Variants in ZNF516 observed in about 807,000 individuals in gnomAD.
The protein encoded by ZNF516 is zinc finger protein 516.
In ZNF516, 19 loss-of-function variants were observed where a neutral mutation model predicts 79.7. The observed-to-expected ratio is 0.24, with a 90% confidence interval of 0.17 to 0.35. The LOEUF (loss-of-function observed/expected upper bound fraction) is 0.35. ZNF516 is among the 10% of genes least tolerant of loss of function. The probability of loss-of-function intolerance (pLI) is 1.00; values close to 1 mark genes in which losing one functional copy is unlikely to be tolerated. For synonymous variants in ZNF516, 877 were observed against 739.5 expected, an observed-to-expected ratio of 1.19 and a Z score of -3.02; for missense variants, 1,678 against 1,679.5, an observed-to-expected ratio of 1.00 and a Z score of 0.02.
rs1426177849 is a variant in ZNF516, at chr18:76,441,483, G to A, written c.1572C>T (p.Phe524=). 9 of 1,601,482 alleles carry A rather than the reference G, an allele frequency of 5.6e-6. No individual in the cohort carries two copies. Among genetic ancestry groups the A allele is most frequent in the Admixed American group, 1.7e-5 (1 of 59,018 alleles). ...SSECFECGKI[F]RTYHQMVLHS... ...GCAGCACCATCTGATGATAGGTGCGGAAGATCTTGCCGCACTCGAAGCACT... is the reference window on the plus strand; with the variant it reads ...GCAGCACCATCTGATGATAGGTGCGAAAGATCTTGCCGCACTCGAAGCACT... Residue 524 remains phenylalanine, a synonymous_variant, in exon 3 of 7, where the codon TTC becomes TTT. Coordinates refer to ENST00000443185, the MANE Select transcript of ZNF516 (RefSeq NM_014643.4).
chr18:76,475,881 C>A (rs1914145643), intron 1 of ZNF516, among the ~76,000 whole-genome samples: 1 of 152,226 alleles, frequency 6.6e-6, no homozygotes, highest in African/African-American at 2.4e-5. Flanking sequence ...ATTTAAAGAT[C>A]TTACTACATT....
At chr18:76,422,006 C>A (rs960347504) in intron 3 of ZNF516, among the ~76,000 whole-genome samples, 1 of 152,122 alleles carries the variant, frequency 6.6e-6, no homozygotes, top group Non-Finnish European at 1.5e-5. Flanking sequence ...AAATAATGCA[C>A]CAGACTACCA....
chr18:76,492,940 A>T (rs1599177001), intron 1 of ZNF516: 1 of 985,436 alleles, frequency 1.0e-6, no homozygotes, highest in African/African-American at 1.7e-5. Context: ...GGCTGGCCAG[A>T]CTTCACAGTG....
intron 3 of ZNF516, among the ~76,000 whole-genome samples, chr18:76,381,152 G>A (rs11662406): frequency 0.016 from 2,431 of 152,296 alleles, 29 homozygotes; most frequent in South Asian, 0.025. Context: ...GAACGCGTGA[G>A]ACAGGGAGAA....
Position 76,441,503 on chromosome 18 carries a change from A to G in ZNF516, c.1552T>C (p.Phe518Leu). Residue 518 changes from phenylalanine (F) to leucine (L), a missense_variant, in exon 3 of 7, where the codon TTC becomes CTC. Physicochemically the swap from Phe to Leu is conservative, Grantham distance 22 (BLOSUM62 0). Coordinates refer to ENST00000443185, the MANE Select transcript of ZNF516 (RefSeq NM_014643.4). ...TTGQGKSSEC[F>L]ECGKIFRTYH... ...GTGCGGAAGATCTTGCCGCACTCGAAGCACTCGGAGGACTTGCCCTGGCCG... is the reference window on the plus strand; with the variant it reads ...GTGCGGAAGATCTTGCCGCACTCGAGGCACTCGGAGGACTTGCCCTGGCCG... 6.3e-7 allele frequency: 1 copy of G among 1,593,792 alleles called. No individual in the cohort carries two copies. The highest frequency in any genetic ancestry group is 8.5e-7 in the Non-Finnish European group (1 of 1,171,710).
At chr18:76,368,922 G>A (rs886870432) in intron 6 of ZNF516, among the ~76,000 whole-genome samples, 1 of 152,184 alleles carries the variant, frequency 6.6e-6, no homozygotes, top group African/African-American at 2.4e-5. Context: ...AAACTGACAT[G>A]CATTCCTGAA....
chr18:76,416,596 A>T (rs2075435947), intron 3 of ZNF516, among the ~76,000 whole-genome samples: 1 of 152,260 alleles, frequency 6.6e-6, no homozygotes, highest in African/African-American at 2.4e-5. Context: ...AGAGCCAGAA[A>T]CCAATAGTTC....
At chr18:76,384,604 C>G in intron 3 of ZNF516, among the ~76,000 whole-genome samples, 1 of 148,906 alleles carries the variant, frequency 6.7e-6, no homozygotes, top group Admixed American at 6.7e-5. Context: ...GCTCCCATCC[C>G]CCACCCCCCC....
At chr18:76,370,665 T>C in intron 5 of ZNF516, 70 bp from the exon 6 acceptor site, 1 of 1,326,888 alleles carries the variant, frequency 7.5e-7, no homozygotes, top group Non-Finnish European at 1.0e-6. Context: ...AATGAGTCCA[T>C]TACAGATTAA....
At chr18:76,418,393 TAACA>T (rs1237397897) in intron 3 of ZNF516, among the ~76,000 whole-genome samples, 3 of 151,994 alleles carry the variant, frequency 2.0e-5, no homozygotes, top group Non-Finnish European at 4.4e-5. Flanking sequence ...TGTAACACTA[TAACA>T]AACTATAACA....
intron 1 of ZNF516, among the ~76,000 whole-genome samples, chr18:76,485,239 G>A (rs1051581000): frequency 2.6e-5 from 4 of 152,144 alleles, no homozygotes; most frequent in African/African-American, 9.7e-5. Flanking sequence ...TTATGCTAAT[G>A]GTCATGCTAA....
intron 3 of ZNF516, among the ~76,000 whole-genome samples, chr18:76,404,442 TG>T (rs2075273606): frequency 6.6e-6 from 1 of 151,826 alleles, no homozygotes. Context: ...CGTGTAAGAG[TG>T]TGCATGTGTG....
chr18:76,367,716 C>T (rs1242480606), intron 6 of ZNF516, among the ~76,000 whole-genome samples: 3 of 152,218 alleles, frequency 2.0e-5, no homozygotes, highest in East Asian at 3.8e-4. Flanking sequence ...CCTGTCTAAG[C>T]CACCCATGGA....
chr18:76,432,832 T>C (rs1206091345), intron 3 of ZNF516, among the ~76,000 whole-genome samples: 1 of 152,188 alleles, frequency 6.6e-6, no homozygotes, highest in African/African-American at 2.4e-5. Flanking sequence ...GGAAAGGGCT[T>C]AGCCAACTTC....
intron 3 of ZNF516, among the ~76,000 whole-genome samples, chr18:76,384,155 C>T (rs997341937): frequency 6.6e-6 from 1 of 152,144 alleles, no homozygotes; most frequent in African/African-American, 2.4e-5. Context: ...CTACTGCACA[C>T]GCGAGGTGAA....
At chr18:76,450,775 A>G (rs1225974572) in intron 2 of ZNF516, among the ~76,000 whole-genome samples, 1 of 152,210 alleles carries the variant, frequency 6.6e-6, no homozygotes, top group Non-Finnish European at 1.5e-5. Context: ...TGGCGTTATC[A>G]GGGAAAAACT....
intron 1 of ZNF516, among the ~76,000 whole-genome samples, chr18:76,466,515 G>A (rs1434578632): frequency 3.3e-5 from 5 of 152,222 alleles, no homozygotes; most frequent in African/African-American, 1.2e-4. Flanking sequence ...GTGGGATGGC[G>A]GGGACACCAA....
Position 76,371,555 on chromosome 18 carries a change from C to T in ZNF516, c.3276G>A (p.Gln1092=), listed in dbSNP as rs1157658729. Residue 1092 remains glutamine (Q), a synonymous_variant, in exon 5 of 7, where the codon CAG becomes CAA. Coordinates refer to ENST00000443185, the MANE Select transcript of ZNF516 (RefSeq NM_014643.4). ...GLEHRGTLRT[Q]ARPGEFVCIE... ...TGCAGACGAACTCTCCTGGCCGGGC[C>T]TGCGTCCGGAGTGTCCCTGCGGTGG... The T allele has an allele frequency of 6.2e-7, 1 of 1,610,346 alleles. No homozygotes were observed. Among genetic ancestry groups the T allele is most frequent in the East Asian group, 2.2e-5 (1 of 44,856 alleles).
rs1011109676 is a variant in ZNF516 at position 76,357,910 on chromosome 18, A to T, written c.*4588T>A. 9.9e-5 allele frequency among the ~76,000 whole-genome samples: 15 copies of T among 152,190 alleles called. No homozygotes were observed. Among genetic ancestry groups the T allele is most frequent in the African/African-American group, 3.6e-4 (15 of 41,442 alleles). ...CAGTGGGTGTATTCAGTGGGGAAAT[A>T]ACATGTGTGCTGTGAAAGAAAATGA... On this transcript the variant is annotated 3_prime_UTR_variant, in exon 7 of 7. Transcript: ENST00000443185.
Sources: gnomAD v4.1 joint callset for allele counts (sites outside exome capture counted in the v4.1 genomes callset) on GRCh38, gnomAD v4.1.1 for gene constraint, MANE v1.5 for transcripts, NCBI Gene and HGNC (gene_info 2026-07-23, HGNC 2026-07-21) for gene names.